COPG2: variants seen among roughly 807,000 people sequenced by gnomAD.
The protein encoded by COPG2 is coat protein complex I subunit gamma 2.
In COPG2, 37 loss-of-function variants were observed where a neutral mutation model predicts 46.3. The ratio of observed to expected loss-of-function variants is 0.80; its 90% CI spans 0.61 to 1.05. The LOEUF (loss-of-function observed/expected upper bound fraction) is 1.05, where lower values mean the gene tolerates loss of function less well. COPG2 is among the 50% of genes least tolerant of loss of function. The pLI is 0.00. For missense variants in COPG2, 427 were observed against 387.8 expected, an observed-to-expected ratio of 1.10 and a Z score of -0.85; for synonymous variants, 159 against 129.7, an observed-to-expected ratio of 1.23 and a Z score of -1.53.
At chr7:130,600,370 C>T (rs952459352) in intron 9 of COPG2, among the ~76,000 whole-genome samples, 5 of 152,146 alleles carry the variant, frequency 3.3e-5, no homozygotes, top group Admixed American at 6.5e-5. Context: ...AAGAGATTCT[C>T]GTGCCTTAAC....
intron 5 of COPG2, among the ~76,000 whole-genome samples, chr7:130,645,068 C>CAAAAAAAAAA (rs59544911): frequency 1.8e-5 from 2 of 113,454 alleles, no homozygotes; most frequent in African/African-American, 3.1e-5. Context: ...ATCCCAAAAA[C>CAAAAAAAAAA]AAAAAAAAAA....
chr7:130,549,509 TTATC>T, intron 17 of COPG2, 133 bp from the exon 18 acceptor site: 1 of 396,442 alleles, frequency 2.5e-6, no homozygotes, highest in Non-Finnish European at 4.4e-6. Flanking sequence ...TACTTATAGG[TTATC>T]TATCACTTCT....
At chr7:130,650,084 GC>G (rs1795706848) in intron 5 of COPG2, among the ~76,000 whole-genome samples, 1 of 151,992 alleles carries the variant, frequency 6.6e-6, no homozygotes, top group African/African-American at 2.4e-5. Context: ...TTGACTCATG[GC>G]CCTCTTCCCC....
chr7:130,517,468 G>A (rs987789109), intron 20 of COPG2, among the ~76,000 whole-genome samples: 5 of 152,202 alleles, frequency 3.3e-5, no homozygotes, highest in African/African-American at 7.2e-5. Context: ...TCTTGATGCT[G>A]TAGGTAGAAA....
At chr7:130,653,091 A>G in intron 4 of COPG2, 143 bp from the exon 5 acceptor site, 1 of 591,678 alleles carries the variant, frequency 1.7e-6, no homozygotes, top group East Asian at 2.9e-5. Context: ...AAAAATTAAT[A>G]TCTGGGTGAG....
chr7:130,567,138 CA>C (rs1308494705), intron 9 of COPG2, among the ~76,000 whole-genome samples: 2 of 152,276 alleles, frequency 1.3e-5, no homozygotes, highest in East Asian at 3.9e-4. Flanking sequence ...CAAATTAACA[CA>C]GGGACAGAAA....
chr7:130,522,595 A>G (rs1258009077), intron 20 of COPG2, among the ~76,000 whole-genome samples: 2 of 152,086 alleles, frequency 1.3e-5, no homozygotes, highest in East Asian at 3.9e-4. Context: ...AGTGTGGAGT[A>G]GAGAAACGAG....
At chr7:130,600,296 T>C (rs1554450199) in intron 9 of COPG2, among the ~76,000 whole-genome samples, 1 of 152,176 alleles carries the variant, frequency 6.6e-6, no homozygotes, top group African/African-American at 2.4e-5. Flanking sequence ...ACAGAGACGC[T>C]GTCACCCAGG....
At chr7:130,647,008 TA>T in intron 5 of COPG2, among the ~76,000 whole-genome samples, 1 of 137,328 alleles carries the variant, frequency 7.3e-6, no homozygotes. Context: ...TGTATATATA[TA>T]TGTATATATA....
chr7:130,568,783 A>G (rs1363933945), intron 9 of COPG2, among the ~76,000 whole-genome samples: 4 of 152,302 alleles, frequency 2.6e-5, no homozygotes, highest in East Asian at 1.9e-4. Context: ...CACATGGAAC[A>G]TTCTCCAAAA....
chr7:130,601,362 A>G (rs1299886532), intron 9 of COPG2, among the ~76,000 whole-genome samples: 2 of 152,194 alleles, frequency 1.3e-5, no homozygotes, highest in Non-Finnish European at 2.9e-5. Context: ...ACACATGCAC[A>G]CGTATGTTTA....
intron 9 of COPG2, 83 bp downstream of exon 9, chr7:130,610,870 A>C: frequency 6.9e-7 from 1 of 1,456,848 alleles, no homozygotes; most frequent in African/African-American, 1.4e-5. Context: ...ACTGCCCCAA[A>C]AAAAATTCAA....
intron 20 of COPG2, among the ~76,000 whole-genome samples, chr7:130,518,722 G>A (rs1799699769): frequency 6.6e-6 from 1 of 152,160 alleles, no homozygotes; most frequent in African/African-American, 2.4e-5. Flanking sequence ...AGAGTGAGTA[G>A]GCTGGGCACA....
intron 5 of COPG2, among the ~76,000 whole-genome samples, chr7:130,637,530 G>C (rs1795367877): frequency 6.6e-6 from 1 of 151,914 alleles, no homozygotes; most frequent in Non-Finnish European, 1.5e-5. Context: ...ATTGATACTT[G>C]TGTATGCTTC....
At chr7:130,530,603 G>A (rs1446770077) in intron 20 of COPG2, among the ~76,000 whole-genome samples, 1 of 152,162 alleles carries the variant, frequency 6.6e-6, no homozygotes, top group Non-Finnish European at 1.5e-5. Context: ...TGAAGCAATA[G>A]GCCCTGGGTG....
intron 5 of COPG2, among the ~76,000 whole-genome samples, chr7:130,639,788 T>C (rs1214192861): frequency 6.6e-6 from 1 of 152,186 alleles, no homozygotes; most frequent in Non-Finnish European, 1.5e-5. Context: ...CTCATATCTT[T>C]TTTCCCATAC....
chr7:130,536,112 G>C lies in COPG2; in HGVS notation c.2149+11562C>G, dbSNP rs1426835235. On this transcript the variant is annotated intron_variant, in intron 20 of 23. Coordinates refer to ENST00000425248, the MANE Select transcript of COPG2 (RefSeq NM_012133.6). Reference sequence around the variant, plus strand: ...TTAGATGGGTCAGGGCATAAAGGGTGGGGTGTGGAGGTGTCAGAAGCGCAA... The same window carrying C: ...TTAGATGGGTCAGGGCATAAAGGGTCGGGTGTGGAGGTGTCAGAAGCGCAA... Among the ~76,000 whole-genome samples, 2 of 152,078 alleles carry C rather than the reference G, an allele frequency of 1.3e-5. 1 individual carries two copies. The highest frequency in any genetic ancestry group is 2.9e-5 in the Non-Finnish European group (2 of 68,016).
At chr7:130,514,101 C>T (rs1348233951) in intron 20 of COPG2, among the ~76,000 whole-genome samples, 2 of 152,214 alleles carry the variant, frequency 1.3e-5, no homozygotes, top group Admixed American at 6.5e-5. Flanking sequence ...CAAATGTTGG[C>T]TCTTAATTGC....
At chr7:130,568,104 G>A (rs999921175) in intron 9 of COPG2, among the ~76,000 whole-genome samples, 23 of 152,132 alleles carry the variant, frequency 1.5e-4, no homozygotes, top group African/African-American at 5.3e-4. Flanking sequence ...TGGTGACCCT[G>A]TCTCTACTAA....
Sources: gnomAD v4.1 joint callset for allele counts (sites outside exome capture counted in the v4.1 genomes callset) on GRCh38, gnomAD v4.1.1 for gene constraint, MANE v1.5 for transcripts, NCBI Gene and HGNC (gene_info 2026-07-23, HGNC 2026-07-21) for gene names.